Variants in TTC28 observed in about 807,000 individuals in gnomAD.
The protein encoded by TTC28 is tetratricopeptide repeat domain 28.
A neutral mutation model predicts 198.0 loss-of-function variants in TTC28; 61 were observed. The ratio of observed to expected loss-of-function variants is 0.31; its 90% CI spans 0.25 to 0.38. The LOEUF (loss-of-function observed/expected upper bound fraction) is 0.38. Ranked by LOEUF, TTC28 falls within the 10% of genes least tolerant of loss-of-function variation. The pLI is 1.00. For missense variants in TTC28, 2,678 were observed against 3,164.0 expected (o/e 0.85, Z 3.69); for synonymous variants, 1,171 against 1,297.8 (o/e 0.90, Z 2.10).
chr22:28,659,977 T>C (rs1279161567), intron 1 of TTC28, among the ~76,000 whole-genome samples: 1 of 151,718 alleles, frequency 6.6e-6, no homozygotes, highest in Non-Finnish European at 1.5e-5. Flanking sequence ...TTTTGTATTT[T>C]GGAGATGGGG....
rs1322391491 is a variant in TTC28, at chr22:28,677,187, T to A, written c.102+2435A>T. ...AAAAAAAAAAAAAAATATATATATA[T>A]ATATATATATATATACACACATATA... On this transcript the variant is annotated intron_variant, in intron 1 of 22. Transcript: ENST00000397906. 2.0e-3 allele frequency among the ~76,000 whole-genome samples: 211 copies of A among 105,710 alleles called. 2 individuals carry two copies. The highest frequency in any genetic ancestry group is 3.3e-3 in the Non-Finnish European group (167 of 50,948). The allele number at this position is 105,710 out of a possible 152,430, so 69.3% of individuals were successfully genotyped here.
intron 5 of TTC28, among the ~76,000 whole-genome samples, chr22:28,196,461 T>TTC (rs1216445470): frequency 6.6e-6 from 1 of 152,090 alleles, no homozygotes; most frequent in Non-Finnish European, 1.5e-5. Context: ...ACTAAAGAGC[T>TTC]TCTGCACAGC....
intron 2 of TTC28, among the ~76,000 whole-genome samples, chr22:28,472,580 G>A (rs1328136580): frequency 1.3e-5 from 2 of 151,692 alleles, no homozygotes; most frequent in East Asian, 1.9e-4. Context: ...GTGTGTGTGT[G>A]TGTGTGTGTG....
At chr22:28,567,475 C>CATATATATATAT (rs1217643047) in intron 2 of TTC28, among the ~76,000 whole-genome samples, 129 of 13,718 alleles carry the variant, frequency 9.4e-3, no homozygotes, top group Middle Eastern at 0.05. Flanking sequence ...CATATACATA[C>CATATATATATAT]ATACATATAT....
intron 12 of TTC28, among the ~76,000 whole-genome samples, chr22:28,034,791 G>C (rs1294830673): frequency 2.0e-5 from 3 of 152,236 alleles, no homozygotes; most frequent in Non-Finnish European, 1.5e-5. Flanking sequence ...TCCAGAGGCA[G>C]GCAGTAGCTG....
chr22:28,058,389 G>A (rs962999586), intron 12 of TTC28, among the ~76,000 whole-genome samples: 8 of 152,186 alleles, frequency 5.3e-5, no homozygotes, highest in Admixed American at 6.5e-5. Context: ...AATTTGGGAA[G>A]AGCTGACATC....
At chr22:27,990,938 C>A in intron 19 of TTC28, 126 bp from the exon 20 acceptor site, 1 of 954,714 alleles carries the variant, frequency 1.0e-6, no homozygotes, top group Non-Finnish European at 1.5e-6. Context: ...GCCCGCGGCT[C>A]TGACTGGGAG....
chr22:28,024,803 C>A (rs1938758855), intron 13 of TTC28, among the ~76,000 whole-genome samples: 1 of 152,234 alleles, frequency 6.6e-6, no homozygotes, highest in Non-Finnish European at 1.5e-5. Context: ...CCAGCAGCTG[C>A]AACAGCTGTT....
intron 9 of TTC28, among the ~76,000 whole-genome samples, 179 bp from the exon 10 acceptor site, chr22:28,099,223 G>A (rs1228521417): frequency 6.6e-6 from 1 of 152,218 alleles, no homozygotes; most frequent in African/African-American, 2.4e-5. Context: ...GTCAAGAATA[G>A]GCCGAGGCAG....
intron 5 of TTC28, among the ~76,000 whole-genome samples, chr22:28,233,172 A>G (rs922292636): frequency 6.6e-6 from 1 of 151,984 alleles, no homozygotes; most frequent in Non-Finnish European, 1.5e-5. Flanking sequence ...TCATTCTTCA[A>G]TATTATTTGA....
At chr22:28,165,556 G>C (rs1921833085) in intron 5 of TTC28, among the ~76,000 whole-genome samples, 1 of 152,016 alleles carries the variant, frequency 6.6e-6, no homozygotes, top group South Asian at 2.1e-4. Flanking sequence ...TTTCAACCCA[G>C]AATTTCATAT....
rs1043630246 is a variant in TTC28, at chr22:28,581,843, T to C, written c.381+47709A>G. ...GGCATAATCTTACAAATAAATCATA[T>C]ATCTGTAAGCTTGTAAACGATACAT... On this transcript the variant is annotated intron_variant, in intron 2 of 22. Coordinates refer to ENST00000397906, the MANE Select transcript of TTC28 (RefSeq NM_001145418.2). Among the ~76,000 whole-genome samples the C allele has an allele frequency of 1.1e-4, 17 of 152,324 alleles. No homozygotes were observed. In the South Asian group the frequency reaches 3.5e-3, roughly 32 times the overall value.
chr22:28,675,735 T>TCACTCGCACACACGCA (rs1555910098), intron 1 of TTC28, among the ~76,000 whole-genome samples: 1 of 135,118 alleles, frequency 7.4e-6, no homozygotes, highest in Non-Finnish European at 1.6e-5. Context: ...TGAAACCCTG[T>TCACTCGCACACACGCA]CACACACACA....
At chr22:28,211,696 C>T (rs1926982147) in intron 5 of TTC28, among the ~76,000 whole-genome samples, 1 of 151,918 alleles carries the variant, frequency 6.6e-6, no homozygotes, top group African/African-American at 2.4e-5. Context: ...ACTTTAACAC[C>T]CCACTGTCAA....
At chr22:28,428,858 T>A (rs1398552605) in intron 2 of TTC28, among the ~76,000 whole-genome samples, 1 of 151,962 alleles carries the variant, frequency 6.6e-6, no homozygotes, top group African/African-American at 2.4e-5. Flanking sequence ...GCCAGGATGG[T>A]CTCGATCTCC....
At chr22:28,553,596 C>A (rs2049734242) in intron 2 of TTC28, among the ~76,000 whole-genome samples, 2 of 151,642 alleles carry the variant, frequency 1.3e-5, no homozygotes, top group Admixed American at 6.6e-5. Context: ...CCGGCAGCCA[C>A]CCCGTCTGGG....
chr22:27,979,471 C>G lies in TTC28; in HGVS notation c.*2750G>C, dbSNP rs1204530662. 4 of 143,568 alleles carry G rather than the reference C, an allele frequency of 2.8e-5. No individual in the cohort carries two copies. Among genetic ancestry groups the G allele is most frequent in the Non-Finnish European group, 6.0e-5 (4 of 66,458 alleles). The allele number at this position is 143,568 out of a possible 1,614,324, so 8.9% of individuals were successfully genotyped here. ...CTCTATCCTGGGTGACAGAGCGAGACTCTGTCTCAAAAAAAAAAAAAAAGG... is the reference window on the plus strand; with the variant it reads ...CTCTATCCTGGGTGACAGAGCGAGAGTCTGTCTCAAAAAAAAAAAAAAAGG... On this transcript the variant is annotated 3_prime_UTR_variant, in exon 23 of 23. Transcript: ENST00000397906.
chr22:28,187,787 T>A (rs1175322613), intron 5 of TTC28, among the ~76,000 whole-genome samples: 2 of 152,164 alleles, frequency 1.3e-5, no homozygotes, highest in South Asian at 2.1e-4. Flanking sequence ...GGAGATATAT[T>A]CATCATTGGA....
chr22:28,107,562 G>A lies in TTC28; in HGVS notation c.2283C>T (p.Gly761=), dbSNP rs1942346767. ...ACTTCTGGATCATTCGGTATGCAGT[G>A]CCCAGGGCTGCATATGCACTGGCTT... is the stretch of plus-strand genomic sequence containing the variant. ...RLEASAYAAL[G]TAYRMIQKYD... Residue 761 remains glycine (G), a synonymous_variant, in exon 7 of 23, where the codon GGC becomes GGT. Coordinates refer to ENST00000397906, the MANE Select transcript of TTC28 (RefSeq NM_001145418.2). The A allele has an allele frequency of 6.4e-7, 1 of 1,551,798 alleles. No individual in the cohort carries two copies. The highest frequency in any genetic ancestry group is 8.7e-7 in the Non-Finnish European group (1 of 1,147,034).
Sources: gnomAD v4.1 joint callset for allele counts (sites outside exome capture counted in the v4.1 genomes callset) on GRCh38, gnomAD v4.1.1 for gene constraint, MANE v1.5 for transcripts, NCBI Gene and HGNC (gene_info 2026-07-23, HGNC 2026-07-21) for gene names.